SIDT1: variants seen among roughly 807,000 people sequenced by gnomAD.
SIDT1 encodes SID1 transmembrane family, member 1.
A neutral mutation model predicts 107.5 loss-of-function variants in SIDT1; 101 were observed. That is an observed-to-expected ratio of 0.94 (90% CI 0.80 to 1.11). The LOEUF (loss-of-function observed/expected upper bound fraction) is 1.11. Among genes scored for constraint, SIDT1 ranks in the 50% least tolerant of loss-of-function variants. SIDT1 has a pLI of 0.00. For missense variants in SIDT1, 1,076 were observed against 1,058.2 expected (o/e 1.02, Z -0.23); for synonymous variants, 395 against 398.2 (o/e 0.99, Z 0.10).
intron 1 of SIDT1, among the ~76,000 whole-genome samples, chr3:113,539,805 C>T (rs1938599233): frequency 8.5e-5 from 13 of 152,180 alleles, no homozygotes; most frequent in African/African-American, 3.1e-4. Flanking sequence ...GAGTTCGAGA[C>T]CAGCCTGGCC....
At chr3:113,561,078 A>T (rs2107720979) in intron 1 of SIDT1, among the ~76,000 whole-genome samples, 1 of 152,350 alleles carries the variant, frequency 6.6e-6, no homozygotes. Context: ...CTTAGCTCTT[A>T]GGAATGGCCT....
chr3:113,576,785 G>C (rs891439160), intron 3 of SIDT1, 137 bp from the exon 4 acceptor site: 1 of 865,190 alleles, frequency 1.2e-6, no homozygotes, highest in African/African-American at 1.7e-5. Context: ...CACGGAACCG[G>C]AACTCCCCTC....
At chr3:113,616,053 AT>A in intron 19 of SIDT1, 46 bp from the exon 20 acceptor site, 1 of 1,335,982 alleles carries the variant, frequency 7.5e-7, no homozygotes, top group Non-Finnish European at 1.1e-6. Flanking sequence ...GAGTATTTGT[AT>A]TTTTGTTGAC....
chr3:113,627,786 T>A lies in SIDT1; in HGVS notation c.*78T>A. ...AAAAATTACAGTGACCACAGCAAAG[T>A]AACCACTGCCAGATGCTCCACTCAC... On this transcript the variant is annotated 3_prime_UTR_variant, in exon 25 of 25. Transcript: ENST00000264852. 1 of 1,346,452 alleles carries A rather than the reference T, an allele frequency of 7.4e-7. No individual in the cohort carries two copies. Among genetic ancestry groups the A allele is most frequent in the Non-Finnish European group, 1.1e-6 (1 of 940,340 alleles). The allele number at this position is 1,346,452 out of a possible 1,614,324, so 83.4% of individuals were successfully genotyped here.
At position 113,532,929 on chromosome 3, in the gene SIDT1, G is replaced by A. The variant is rs554360658; in HGVS notation, c.-93G>A. ...TCACCCGCTCGGCTCTGAAGCGGACGCCTGGCCCTGCACCGGGCTTTGGAA... is the reference window on the plus strand; with the variant it reads ...TCACCCGCTCGGCTCTGAAGCGGACACCTGGCCCTGCACCGGGCTTTGGAA... On this transcript the variant is annotated 5_prime_UTR_variant, in exon 1 of 25. Coordinates refer to ENST00000264852, the MANE Select transcript of SIDT1 (RefSeq NM_017699.3). 4.6e-6 allele frequency: 4 copies of A among 866,692 alleles called. No homozygotes were observed. Among genetic ancestry groups the A allele is most frequent in the Non-Finnish European group, 6.3e-6 (4 of 635,758 alleles). The allele number at this position is 866,692 out of a possible 1,614,324, so 53.7% of individuals were successfully genotyped here.
downstream of SIDT1, among the ~76,000 whole-genome samples, chr3:113,630,683 T>C (rs946210839): frequency 7.2e-5 from 11 of 152,274 alleles, no homozygotes; most frequent in East Asian, 2.1e-3. Context: ...GTCCACCTAC[T>C]CGCTATGTGC....
At chr3:113,612,530 C>A in intron 19 of SIDT1, 1 of 409,222 alleles carries the variant, frequency 2.4e-6, no homozygotes. Flanking sequence ...CCACTAGTTC[C>A]ACCTAGAGGA....
chr3:113,553,099 G>A (rs1345518607), intron 1 of SIDT1, among the ~76,000 whole-genome samples: 2 of 152,148 alleles, frequency 1.3e-5, no homozygotes, highest in East Asian at 3.9e-4. Flanking sequence ...TCTCCTCTGA[G>A]CATCAGAGTG....
At chr3:113,553,423 T>C (rs1414130035) in intron 1 of SIDT1, among the ~76,000 whole-genome samples, 2 of 152,150 alleles carry the variant, frequency 1.3e-5, no homozygotes, top group Admixed American at 1.3e-4. Context: ...TACTTTTCCA[T>C]CTTCAGAGCA....
downstream of SIDT1, among the ~76,000 whole-genome samples, chr3:113,631,983 T>C (rs1328904399): frequency 6.6e-6 from 1 of 152,228 alleles, no homozygotes; most frequent in Non-Finnish European, 1.5e-5. Context: ...CTTGGCTCTG[T>C]CCTACATCTT....
At chr3:113,623,375 T>C (rs1946608851) in intron 21 of SIDT1, 52 bp from the exon 22 acceptor site, 1 of 1,183,994 alleles carries the variant, frequency 8.4e-7, no homozygotes, top group Non-Finnish European at 1.3e-6. Context: ...GAAAAGCCAA[T>C]AGTGTTACAA....
At chr3:113,541,121 T>C (rs1386826773) in intron 1 of SIDT1, among the ~76,000 whole-genome samples, 3 of 140,012 alleles carry the variant, frequency 2.1e-5, no homozygotes, top group Non-Finnish European at 4.5e-5. Flanking sequence ...AATATATATA[T>C]ATATATATAT....
Position 113,628,454 on chromosome 3 carries a change from G to A in SIDT1, c.*746G>A, listed in dbSNP as rs1946991856. 6.5e-6 allele frequency: 1 copy of A among 152,694 alleles called. No individual in the cohort carries two copies. The highest frequency in any genetic ancestry group is 1.5e-5 in the Non-Finnish European group (1 of 68,122). 9.5% of individuals were successfully genotyped at this position (152,694 alleles called of 1,614,324 possible). ...CTCATCACTCTGACTCTGCCTTCTT[G>A]GAAAGGCCCTGTCACTCCACAGATG... On this transcript the variant is annotated 3_prime_UTR_variant, in exon 25 of 25. Transcript: ENST00000264852.
chr3:113,599,419 G>T (rs1412145775), intron 10 of SIDT1, among the ~76,000 whole-genome samples: 1 of 152,238 alleles, frequency 6.6e-6, no homozygotes, highest in Non-Finnish European at 1.5e-5. Flanking sequence ...TGTCTCTTTA[G>T]AAAGGTATTC....
intron 6 of SIDT1, among the ~76,000 whole-genome samples, chr3:113,582,157 C>A (rs549966348): frequency 1.1e-3 from 164 of 152,066 alleles, no homozygotes; most frequent in African/African-American, 3.8e-3. Context: ...GAATATGGAC[C>A]ATATTTGTAC....
At chr3:113,564,281 G>A (rs1941708318) in intron 1 of SIDT1, among the ~76,000 whole-genome samples, 1 of 152,218 alleles carries the variant, frequency 6.6e-6, no homozygotes, top group African/African-American at 2.4e-5. Flanking sequence ...GGGTGTATGG[G>A]AAATAGGAGG....
chr3:113,538,503 A>G (rs1171606347), intron 1 of SIDT1, among the ~76,000 whole-genome samples: 1 of 152,242 alleles, frequency 6.6e-6, no homozygotes, highest in Admixed American at 6.5e-5. Context: ...TGAAGACCAT[A>G]CAACAAAAAT....
At chr3:113,605,364 G>T (rs1015291678) in intron 14 of SIDT1, among the ~76,000 whole-genome samples, 4 of 151,958 alleles carry the variant, frequency 2.6e-5, no homozygotes, top group Admixed American at 2.6e-4. Context: ...AACCTCAGGT[G>T]ATCCGCCTGC....
chr3:113,615,089 C>A, intron 19 of SIDT1: 1 of 1,535,608 alleles, frequency 6.5e-7, no homozygotes, highest in Non-Finnish European at 8.7e-7. Flanking sequence ...TAATGTTCAG[C>A]CACCCTTTCC....
Sources: gnomAD v4.1 joint callset for allele counts (sites outside exome capture counted in the v4.1 genomes callset) on GRCh38, gnomAD v4.1.1 for gene constraint, MANE v1.5 for transcripts, NCBI Gene and HGNC (gene_info 2026-07-23, HGNC 2026-07-21) for gene names.